FHIT: variants seen among roughly 807,000 people sequenced by gnomAD.
FHIT encodes the protein bis(5'-adenosyl)-triphosphatase.
A neutral mutation model predicts 17.9 loss-of-function variants in FHIT; 19 were observed. That is an observed-to-expected ratio of 1.06 (90% CI 0.74 to 1.56). The LOEUF is 1.56. Among genes scored for constraint, FHIT ranks in the 40% most tolerant of loss-of-function variants. The pLI, the probability that FHIT is intolerant of heterozygous loss-of-function variation, is 0.00. For synonymous variants in FHIT, 81 were observed against 69.7 expected (o/e 1.16, Z -0.81); for missense variants, 248 against 189.2 (o/e 1.31, Z -1.82).
intron 3 of FHIT, among the ~76,000 whole-genome samples, chr3:61,009,893 C>T (rs925654335): frequency 6.6e-6 from 1 of 152,038 alleles, no homozygotes; most frequent in African/African-American, 2.4e-5. Context: ...TAGGAAATAA[C>T]GAAAAGAGCT....
At chr3:61,069,737 C>A (rs1000387531) in intron 2 of FHIT, among the ~76,000 whole-genome samples, 1 of 152,114 alleles carries the variant, frequency 6.6e-6, no homozygotes, top group African/African-American at 2.4e-5. Flanking sequence ...TAGCACAGTG[C>A]CCCACACATA....
At chr3:60,507,552 G>A (rs1309904316) in intron 5 of FHIT, among the ~76,000 whole-genome samples, 3 of 152,172 alleles carry the variant, frequency 2.0e-5, no homozygotes, top group African/African-American at 4.8e-5. Flanking sequence ...AGGGGTACGA[G>A]GGTAGGTTAG....
chr3:60,871,966 A>G (rs1704436200), intron 3 of FHIT, among the ~76,000 whole-genome samples: 1 of 152,012 alleles, frequency 6.6e-6, no homozygotes, highest in Admixed American at 6.6e-5. Flanking sequence ...CCCAGCTCCT[A>G]TTATATTTTT....
At chr3:60,622,341 G>A (rs192737281) in intron 4 of FHIT, among the ~76,000 whole-genome samples, 27 of 151,858 alleles carry the variant, frequency 1.8e-4, no homozygotes, top group Admixed American at 1.2e-3. Context: ...TTCTTTATGT[G>A]GATTTTTTGA....
intron 1 of FHIT, among the ~76,000 whole-genome samples, chr3:61,212,480 C>T (rs2106771245): frequency 6.6e-6 from 1 of 152,294 alleles, no homozygotes; most frequent in East Asian, 1.9e-4. Flanking sequence ...CAAACAAAGC[C>T]TCCAAGAAAT....
At chr3:60,527,693 C>T (rs1292538192) in intron 5 of FHIT, among the ~76,000 whole-genome samples, 1 of 152,138 alleles carries the variant, frequency 6.6e-6, no homozygotes, top group Non-Finnish European at 1.5e-5. Context: ...CAGCAAAATG[C>T]CCATAAAAAT....
intron 5 of FHIT, among the ~76,000 whole-genome samples, chr3:60,041,640 AAAG>A (rs1428405850): frequency 1.3e-5 from 2 of 152,316 alleles, no homozygotes; most frequent in East Asian, 1.9e-4. Flanking sequence ...TGATCTGAAT[AAAG>A]AAGGAGAAGA....
At position 60,374,082 on chromosome 3, in the gene FHIT, G is replaced by T. The variant is rs1396892630; in HGVS notation, c.103+162778C>A. ...GACACTGGAATATCCTCATTTCTCT[G>T]AATTATTTTTCTTACATATAACACA... is the stretch of plus-strand genomic sequence containing the variant. On this transcript the variant is annotated intron_variant, in intron 5 of 9. Coordinates refer to ENST00000492590, the MANE Select transcript of FHIT (RefSeq NM_002012.4). Among the ~76,000 whole-genome samples the T allele has an allele frequency of 2.6e-5, 4 of 152,110 alleles. 1 individual carries two copies.
intron 3 of FHIT, among the ~76,000 whole-genome samples, chr3:61,035,983 G>A (rs1204212492): frequency 1.3e-5 from 2 of 152,176 alleles, no homozygotes; most frequent in Admixed American, 1.3e-4. Context: ...ATTTAAAGCT[G>A]TATCTAAGTT....
chr3:59,899,667 G>T (rs1185617072), intron 8 of FHIT, among the ~76,000 whole-genome samples: 1 of 150,264 alleles, frequency 6.7e-6, no homozygotes, highest in Non-Finnish European at 1.5e-5. Context: ...AACCCCGTCT[G>T]TACTAAAATA....
intron 5 of FHIT, among the ~76,000 whole-genome samples, chr3:60,151,147 T>C (rs546616066): frequency 5.9e-5 from 9 of 152,170 alleles, no homozygotes; most frequent in African/African-American, 1.4e-4. Flanking sequence ...ATGAGAATTA[T>C]TACAGCTTTG....
At chr3:60,420,792 T>C (rs775537367) in intron 5 of FHIT, among the ~76,000 whole-genome samples, 4 of 152,180 alleles carry the variant, frequency 2.6e-5, no homozygotes, top group Non-Finnish European at 5.9e-5. Flanking sequence ...CTGCTTCACC[T>C]AGCTCAGTGT....
chr3:61,216,169 T>C lies in FHIT; in HGVS notation c.-212-15504A>G, dbSNP rs549499193. On this transcript the variant is annotated intron_variant, in intron 1 of 9. Coordinates refer to ENST00000492590, the MANE Select transcript of FHIT (RefSeq NM_002012.4). Reference sequence around the variant, plus strand: ...GGATCTAATTAAACTCAAGAGCTTCTGCACAGCAAAAGAAACTACCATCAG... The same window carrying C: ...GGATCTAATTAAACTCAAGAGCTTCCGCACAGCAAAAGAAACTACCATCAG... Among the ~76,000 whole-genome samples the C allele has an allele frequency of 4.2e-4, 64 of 152,340 alleles. 2 individuals are homozygous for C. Among genetic ancestry groups the C allele is most frequent in the African/African-American group, 1.5e-3 (62 of 41,588 alleles).
chr3:60,020,903 G>A (rs1397018304), intron 5 of FHIT, among the ~76,000 whole-genome samples: 1 of 152,106 alleles, frequency 6.6e-6, no homozygotes, highest in Non-Finnish European at 1.5e-5. Flanking sequence ...TATCAGAAAG[G>A]CAGAAATATC....
intron 5 of FHIT, among the ~76,000 whole-genome samples, chr3:60,191,050 A>G (rs926631898): frequency 3.3e-5 from 5 of 152,118 alleles, no homozygotes; most frequent in Non-Finnish European, 7.3e-5. Context: ...CCAGGAGATA[A>G]AGTCTTCCTG....
chr3:61,073,368 G>A (rs1488728417), intron 2 of FHIT, among the ~76,000 whole-genome samples: 1 of 152,170 alleles, frequency 6.6e-6, no homozygotes, highest in Non-Finnish European at 1.5e-5. Context: ...GTATTCATAA[G>A]AGTCAAGTGA....
chr3:60,109,193 G>GT lies in FHIT; in HGVS notation c.104-95042dup, dbSNP rs775625210. On this transcript the variant is annotated intron_variant, in intron 5 of 9. Coordinates refer to ENST00000492590, the MANE Select transcript of FHIT (RefSeq NM_002012.4). Reference sequence around the variant, plus strand: ...ATGAAAATGCTGTTTCAGCCAGGAAGTTTTTTCTCCCCCATCTCATATATT... The same window carrying GT: ...ATGAAAATGCTGTTTCAGCCAGGAAGTTTTTTTCTCCCCCATCTCATATATT... Among the ~76,000 whole-genome samples, 5 of 152,086 alleles carry GT rather than the reference G, an allele frequency of 3.3e-5. No homozygotes were observed. In the East Asian group the frequency reaches 5.8e-4, roughly 18 times the overall value.
chr3:60,381,510 G>T (rs1255049837), intron 5 of FHIT, among the ~76,000 whole-genome samples: 2 of 151,212 alleles, frequency 1.3e-5, no homozygotes, highest in Admixed American at 6.6e-5. Flanking sequence ...GAAAAGAAAA[G>T]ATCATTAGAC....
intron 5 of FHIT, among the ~76,000 whole-genome samples, chr3:60,092,402 G>C (rs1703770741): frequency 1.3e-5 from 2 of 152,136 alleles, no homozygotes; most frequent in African/African-American, 4.8e-5. Context: ...GGCTGGCCAT[G>C]GTAGAAGTAC....
Sources: gnomAD v4.1 joint callset for allele counts (sites outside exome capture counted in the v4.1 genomes callset) on GRCh38, gnomAD v4.1.1 for gene constraint, MANE v1.5 for transcripts, NCBI Gene and HGNC (gene_info 2026-07-23, HGNC 2026-07-21) for gene names.